Variants in DIABLO observed in about 807,000 individuals in gnomAD.
DIABLO encodes diablo IAP-binding mitochondrial protein.
In DIABLO, 32 loss-of-function variants were observed where a neutral mutation model predicts 31.7. The ratio of observed to expected loss-of-function variants is 1.01; its 90% CI spans 0.76 to 1.35. The LOEUF (loss-of-function observed/expected upper bound fraction) is 1.35. DIABLO is among the 40% of genes most tolerant of loss of function. The pLI is 0.00. For missense variants in DIABLO, 316 were observed against 286.4 expected, an observed-to-expected ratio of 1.10 and a Z score of -0.75; for synonymous variants, 132 against 103.2, an observed-to-expected ratio of 1.28 and a Z score of -1.69.
chr12:122,217,287 T>C (rs1181284174), intron 3 of DIABLO: 4 of 227,240 alleles, frequency 1.8e-5, no homozygotes, highest in Admixed American at 1.1e-4. Flanking sequence ...CTAAGACACG[T>C]GGATCACCTG....
intron 5 of DIABLO, among the ~76,000 whole-genome samples, chr12:122,210,304 C>G (rs1954053322): frequency 6.6e-6 from 1 of 151,592 alleles, no homozygotes; most frequent in Admixed American, 6.6e-5. Flanking sequence ...ATAAAACTCT[C>G]CCACGAAACA....
chr12:122,222,880 G>A (rs1954365433), intron 2 of DIABLO, among the ~76,000 whole-genome samples: 1 of 152,072 alleles, frequency 6.6e-6, no homozygotes, highest in African/African-American at 2.4e-5. Context: ...ACCTCCTGCT[G>A]TGCAGCTTGC....
intron 2 of DIABLO, among the ~76,000 whole-genome samples, chr12:122,218,975 C>G (rs1435978165): frequency 6.8e-6 from 1 of 146,456 alleles, no homozygotes; most frequent in African/African-American, 2.5e-5. Context: ...TGGCTCACGC[C>G]TGTAATCCCA....
chr12:122,215,737 A>T (rs968873001), intron 5 of DIABLO, among the ~76,000 whole-genome samples: 5 of 151,426 alleles, frequency 3.3e-5, no homozygotes, highest in Non-Finnish European at 5.9e-5. Context: ...GGAGAAGCAG[A>T]GGCTTTGGAA....
chr12:122,211,544 T>TA (rs572985937), intron 5 of DIABLO, among the ~76,000 whole-genome samples: 5,164 of 144,116 alleles, frequency 0.036, 108 homozygotes, highest in Admixed American at 0.07. Flanking sequence ...CACCAACTCT[T>TA]AAAAAAAAAA....
chr12:122,219,111 T>C (rs1954280080), intron 2 of DIABLO, among the ~76,000 whole-genome samples: 1 of 151,664 alleles, frequency 6.6e-6, no homozygotes, highest in African/African-American at 2.4e-5. Context: ...CACACGCCTG[T>C]AGTCCCAGCT....
intron 5 of DIABLO, among the ~76,000 whole-genome samples, chr12:122,211,268 G>A (rs919002568): frequency 6.6e-6 from 1 of 151,772 alleles, no homozygotes; most frequent in African/African-American, 2.4e-5. Context: ...CGGGCGTGGT[G>A]GTGACTGCCT....
Position 122,225,954 on chromosome 12 carries a change from CGCA to C in DIABLO, c.50+8_50+10del, listed in dbSNP as rs1954456678. On this transcript the variant is annotated splice_region_variant and intron_variant, in intron 1 of 5. Transcript: ENST00000464942. The stretch of plus-strand genomic sequence containing the variant: ...TCTGGTCCTGTCCCCTCTACGCGGC[CGCA>C]GCGGTACCTGAAGAATGAAGTTACG... 1 of 1,588,514 alleles carries C rather than the reference CGCA, an allele frequency of 6.3e-7. No individual in the cohort carries two copies. The highest frequency in any genetic ancestry group is 8.6e-7 in the Non-Finnish European group (1 of 1,168,238).
At chr12:122,209,926 A>G (rs1160756149) in intron 5 of DIABLO, 1 of 641,086 alleles carries the variant, frequency 1.6e-6, no homozygotes, top group African/African-American at 1.8e-5. Context: ...TCTCTTCATA[A>G]TTGTACTTAG....
Position 122,209,907 on chromosome 12 carries a change from A to T in DIABLO, c.524-1330T>A, listed in dbSNP as rs532347932. ...GGATTACTTAACCTTTATTACATTA[A>T]GAAAATTATCTCTTCATAATTGTAC... On this transcript the variant is annotated intron_variant, in intron 5 of 5. Coordinates refer to ENST00000464942, the MANE Select transcript of DIABLO (RefSeq NM_001371333.1). 9.3e-5 allele frequency: 62 copies of T among 665,222 alleles called. No individual in the cohort carries two copies. In the East Asian group the frequency reaches 1.4e-3, roughly 15 times the overall value. 41.2% of individuals were successfully genotyped at this position (665,222 alleles called of 1,614,324 possible). A position where few individuals can be genotyped will look rare whatever the true frequency, so the allele number is the denominator to read the frequency against.
rs1331912061 is a variant in DIABLO at position 122,208,163 on chromosome 12, T to TA, written c.*217dup. The TA allele has an allele frequency of 2.9e-6, 2 of 701,720 alleles. No individual in the cohort carries two copies. Among genetic ancestry groups the TA allele is most frequent in the Non-Finnish European group, 2.6e-6 (1 of 388,596 alleles). 43.5% of individuals were successfully genotyped at this position (701,720 alleles called of 1,614,324 possible). ...AGCTGTACAGAGTGGGGTGAAATGT[T>TA]AAACAGGGTGCAGTGCCCAAGGGCT... On this transcript the variant is annotated 3_prime_UTR_variant, in exon 6 of 6. Transcript: ENST00000464942.
chr12:122,222,121 T>C (rs562674197), intron 2 of DIABLO: 41 of 152,352 alleles, frequency 2.7e-4, no homozygotes, highest in Admixed American at 9.2e-4. Context: ...CCATAAAGCA[T>C]ATAAGCTATG....
intron 5 of DIABLO, among the ~76,000 whole-genome samples, chr12:122,212,013 T>TA (rs66916288): frequency 5.9e-5 from 9 of 151,404 alleles, no homozygotes; most frequent in South Asian, 2.1e-4. Flanking sequence ...TTTTTTTTTT[T>TA]AAATTACAGA....
At chr12:122,209,991 G>GT in intron 5 of DIABLO, 1 of 575,870 alleles carries the variant, frequency 1.7e-6, no homozygotes, top group East Asian at 2.8e-5. Context: ...ATGTTAAGTG[G>GT]TTTTTCTCCT....
intron 5 of DIABLO, among the ~76,000 whole-genome samples, chr12:122,211,077 TAAAAAAAAAA>T (rs1156571584): frequency 1.5e-3 from 21 of 14,344 alleles, no homozygotes; most frequent in East Asian, 4.9e-3. Flanking sequence ...TAGTTAAAAG[TAAAAAAAAAA>T]AAAAAAAAAA....
At chr12:122,208,640 G>A (rs1169290943) in intron 5 of DIABLO, 63 bp from the exon 6 acceptor site, 5 of 1,549,880 alleles carry the variant, frequency 3.2e-6, no homozygotes, top group Admixed American at 3.6e-5. Context: ...TCATGTGGAC[G>A]TTGGCCTGGG....
In DIABLO at chr12:122,209,969, T is replaced by C. The variant is rs1954043614; in HGVS notation, c.524-1392A>G. 1.2e-5 allele frequency: 7 copies of C among 593,100 alleles called. No homozygotes were observed. The South Asian group carries it at 1.5e-4, about 12-fold the overall frequency. The allele number at this position is 593,100 out of a possible 1,614,324, so 36.7% of individuals were successfully genotyped here. On this transcript the variant is annotated intron_variant, in intron 5 of 5. Transcript: ENST00000464942. ...TCATAAATGGCTACTACACTGAAGA[T>C]GTTTTGGGCATATGTTAAGTGGTTT... is the stretch of plus-strand genomic sequence containing the variant.
intron 1 of DIABLO, 55 bp downstream of exon 1, chr12:122,225,910 G>A (rs1954454967): frequency 1.3e-6 from 2 of 1,552,460 alleles, no homozygotes; most frequent in East Asian, 4.8e-5. Flanking sequence ...CCACAGCGCT[G>A]TCCGCGTCGG....
chr12:122,223,813 G>A (rs554221236), intron 2 of DIABLO, among the ~76,000 whole-genome samples: 4 of 152,194 alleles, frequency 2.6e-5, no homozygotes, highest in African/African-American at 9.6e-5. Flanking sequence ...GTTTTGTTTT[G>A]TTTTTGAGAA....
Sources: allele counts gnomAD v4.1 joint callset (sites outside exome capture counted in the v4.1 genomes callset), GRCh38; gene constraint gnomAD v4.1.1; transcripts MANE v1.5; gene names NCBI Gene and HGNC (gene_info 2026-07-23, HGNC 2026-07-21).